QRFPR: variants seen among roughly 807,000 people sequenced by gnomAD.
The protein encoded by QRFPR is pyroglutamylated RF-amide peptide receptor.
In QRFPR, 37 loss-of-function variants were observed where a neutral mutation model predicts 31.3. The observed-to-expected ratio is 1.18, with a 90% CI of 0.91 to 1.56. The LOEUF (loss-of-function observed/expected upper bound fraction) is 1.56, where lower values mean the gene tolerates loss of function less well. Among genes scored for constraint, QRFPR ranks in the 40% most tolerant of loss-of-function variants. QRFPR has a pLI of 0.00. For missense variants in QRFPR, 542 were observed against 532.5 expected (o/e 1.02, Z -0.18); for synonymous variants, 197 against 192.0 (o/e 1.03, Z -0.22).
chr4:121,347,322 T>G (rs1725672968), intron 1 of QRFPR, among the ~76,000 whole-genome samples: 2 of 152,296 alleles, frequency 1.3e-5, no homozygotes, highest in Admixed American at 1.3e-4. Flanking sequence ...TTAATTCTAC[T>G]GCTGGGGGCA....
At chr4:121,332,354 A>G (rs1487012986) in intron 4 of QRFPR, among the ~76,000 whole-genome samples, 1 of 152,230 alleles carries the variant, frequency 6.6e-6, no homozygotes, top group Non-Finnish European at 1.5e-5. Context: ...TTCGGTTTCC[A>G]AAGGATTTTC....
intron 2 of QRFPR, among the ~76,000 whole-genome samples, chr4:121,339,351 C>T (rs929001477): frequency 1.3e-5 from 2 of 152,178 alleles, no homozygotes; most frequent in African/African-American, 4.8e-5. Flanking sequence ...TAGAGAAATG[C>T]TTCCATTTTA....
chr4:121,380,543 G>A lies in QRFPR; in HGVS notation c.105C>T (p.Val35=), dbSNP rs691389. 7 of 1,612,070 alleles carry A rather than the reference G, an allele frequency of 4.3e-6. No individual in the cohort carries two copies. In the South Asian group the frequency reaches 6.6e-5, roughly 15 times the overall value. ...FIALYRLRPL[V]YTPELPGRAK... ...CGCGTCCCGGCAGCTCTGGGGTGTAGACGAGCGGTCGCAGCCGGTACAGAG... is the reference window on the plus strand; with the variant it reads ...CGCGTCCCGGCAGCTCTGGGGTGTAAACGAGCGGTCGCAGCCGGTACAGAG... The change falls in exon 1 of 6, where the codon GTC becomes GTT. Residue 35 remains valine, a synonymous_variant. Coordinates refer to ENST00000394427, the MANE Select transcript of QRFPR (RefSeq NM_198179.3).
At chr4:121,370,519 G>A (rs1039223776) in intron 1 of QRFPR, among the ~76,000 whole-genome samples, 3 of 152,318 alleles carry the variant, frequency 2.0e-5, no homozygotes, top group African/African-American at 4.8e-5. Flanking sequence ...CTGCTGCCGC[G>A]GGACTGCCTG....
chr4:121,379,606 C>T (rs1726430325), intron 1 of QRFPR, among the ~76,000 whole-genome samples: 1 of 152,222 alleles, frequency 6.6e-6, no homozygotes, highest in South Asian at 2.1e-4. Flanking sequence ...GACTCCACCT[C>T]TCCTCTGTCA....
At chr4:121,359,729 G>A (rs1725948373) in intron 1 of QRFPR, among the ~76,000 whole-genome samples, 1 of 150,556 alleles carries the variant, frequency 6.6e-6, no homozygotes, top group East Asian at 2.0e-4. Context: ...ATATGTGTGT[G>A]TATATATATA....
At chr4:121,377,325 A>G (rs1000285984) in intron 1 of QRFPR, among the ~76,000 whole-genome samples, 1 of 151,800 alleles carries the variant, frequency 6.6e-6, no homozygotes, top group Non-Finnish European at 1.5e-5. Flanking sequence ...GGTGATCTTC[A>G]TTGCTTTGTT....
intron 2 of QRFPR, among the ~76,000 whole-genome samples, chr4:121,338,562 A>G (rs1725477936): frequency 6.6e-6 from 1 of 152,250 alleles, no homozygotes; most frequent in South Asian, 2.1e-4. Context: ...TTTTATGCGT[A>G]GCCCAAGGCA....
chr4:121,346,038 G>A (rs1026105526), intron 1 of QRFPR, among the ~76,000 whole-genome samples: 1 of 147,130 alleles, frequency 6.8e-6, no homozygotes, highest in East Asian at 2.0e-4. Context: ...TTGCATGAAA[G>A]TATCTAATGA....
At chr4:121,369,799 T>C in intron 1 of QRFPR, 2 of 1,487,452 alleles carry the variant, frequency 1.3e-6, no homozygotes, top group Non-Finnish European at 1.9e-6. Flanking sequence ...TCTGCTTAGG[T>C]GAAAAGTGAG....
intron 1 of QRFPR, among the ~76,000 whole-genome samples, chr4:121,358,087 C>T (rs1199200392): frequency 1.3e-5 from 2 of 152,046 alleles, no homozygotes; most frequent in Admixed American, 6.6e-5. Flanking sequence ...GTATTCAAAG[C>T]AATTCTTTTT....
chr4:121,370,779 T>C (rs535509155), intron 1 of QRFPR, among the ~76,000 whole-genome samples: 4 of 152,362 alleles, frequency 2.6e-5, no homozygotes, highest in South Asian at 4.1e-4. Flanking sequence ...AATGAAAATA[T>C]GTAAATACTA....
chr4:121,344,776 C>T (rs1481684928), intron 1 of QRFPR, among the ~76,000 whole-genome samples: 1 of 152,142 alleles, frequency 6.6e-6, no homozygotes, highest in East Asian at 1.9e-4. Context: ...TCTTTTTCAG[C>T]TTCTTGTTCT....
intron 1 of QRFPR, chr4:121,369,517 G>A: frequency 6.7e-7 from 1 of 1,499,520 alleles, no homozygotes; most frequent in Admixed American, 1.8e-5. Context: ...CCGTCACTGG[G>A]AAGTCCATCT....
chr4:121,369,513 C>A, intron 1 of QRFPR: 1 of 1,486,602 alleles, frequency 6.7e-7, no homozygotes. Context: ...CCTTCCGTCA[C>A]TGGGAAGTCC....
intron 1 of QRFPR, among the ~76,000 whole-genome samples, chr4:121,345,827 G>C (rs1026056523): frequency 2.0e-5 from 3 of 152,102 alleles, no homozygotes; most frequent in Admixed American, 2.0e-4. Flanking sequence ...TTAATTCAAA[G>C]AGAAACAAGA....
At position 121,329,702 on chromosome 4, in the gene QRFPR, T is replaced by C. The variant is rs1196649238; in HGVS notation, c.908A>G (p.Lys303Arg). Residue 303 changes from lysine to arginine, a missense_variant, in exon 6 of 6, where the codon AAG becomes AGG. By Grantham distance (26) the Lys-to-Arg change is conservative (BLOSUM62 2). Coordinates refer to ENST00000394427, the MANE Select transcript of QRFPR (RefSeq NM_198179.3). ...HMMIEYSNFE[K>R]EYDDVTIKMI... The stretch of plus-strand genomic sequence containing the variant: ...CTTGATTGTGACATCATCATATTCC[T>C]TTTCAAAATTACCTGAAATAAAGTA... 6.6e-7 allele frequency: 1 copy of C among 1,524,052 alleles called. No homozygotes were observed. Among genetic ancestry groups the C allele is most frequent in the Non-Finnish European group, 8.8e-7 (1 of 1,134,084 alleles). 94.4% of individuals were successfully genotyped at this position (1,524,052 alleles called of 1,614,324 possible). A position where few individuals can be genotyped will look rare whatever the true frequency, so the allele number is the denominator to read the frequency against.
chr4:121,368,674 G>A lies in QRFPR; in HGVS notation c.340+11634C>T. ...CTTGGGTCCCCTTACTGATAAGGCTGGAGCACAGCACCAGCCATCAACAGG... is the reference window on the plus strand; with the variant it reads ...CTTGGGTCCCCTTACTGATAAGGCTAGAGCACAGCACCAGCCATCAACAGG... On this transcript the variant is annotated intron_variant, in intron 1 of 5. Transcript: ENST00000394427. 1.3e-5 allele frequency among the ~76,000 whole-genome samples: 2 copies of A among 150,018 alleles called. 1 individual carries two copies. Among genetic ancestry groups the A allele is most frequent in the Non-Finnish European group, 3.0e-5 (2 of 67,590 alleles).
chr4:121,345,774 T>C (rs1291633749), intron 1 of QRFPR, among the ~76,000 whole-genome samples: 2 of 152,198 alleles, frequency 1.3e-5, no homozygotes, highest in African/African-American at 4.8e-5. Flanking sequence ...GAGAACAGTG[T>C]TCACTCTCCT....
Sources: allele counts gnomAD v4.1 joint callset (sites outside exome capture counted in the v4.1 genomes callset), GRCh38; gene constraint gnomAD v4.1.1; transcripts MANE v1.5; gene names NCBI Gene and HGNC (gene_info 2026-07-23, HGNC 2026-07-21).